The following GALNT9 variants were observed in gnomAD, a reference collection of about 807,000 sequenced individuals.
GALNT9 encodes GalNAc transferase 9.
GALNT9 carries 47 observed loss-of-function variants against 63.1 expected under a neutral mutation model. That is an observed-to-expected ratio of 0.75 (90% CI 0.59 to 0.95). GALNT9 has a LOEUF of 0.95. Among genes scored for constraint, GALNT9 ranks in the 40% least tolerant of loss-of-function variants. GALNT9 has a pLI of 0.00. For synonymous variants in GALNT9, 396 were observed against 365.7 expected (o/e 1.08, Z -0.94); for missense variants, 829 against 874.8 (o/e 0.95, Z 0.66).
intron 2 of GALNT9, 25 bp from the exon 3 acceptor site, chr12:132,262,650 C>A (rs369840211): frequency 2.7e-6 from 4 of 1,490,916 alleles, no homozygotes; most frequent in Non-Finnish European, 1.8e-6. Flanking sequence ...GTTTGGGGTG[C>A]GGTCAGGGCG....
chr12:132,268,004 C>T (rs1031579732), intron 2 of GALNT9, among the ~76,000 whole-genome samples: 2 of 151,686 alleles, frequency 1.3e-5, no homozygotes, highest in Non-Finnish European at 2.9e-5. Context: ...TGCACACACA[C>T]AGGCAGATAC....
rs1868687531 is a variant in GALNT9, at chr12:132,319,633, C to T, written c.238+9333G>A. 6.6e-6 allele frequency among the ~76,000 whole-genome samples: 1 copy of T among 152,166 alleles called. No individual in the cohort carries two copies. Among genetic ancestry groups the T allele is most frequent in the African/African-American group, 2.4e-5 (1 of 41,440 alleles). On this transcript the variant is annotated intron_variant, in intron 1 of 10. Coordinates refer to ENST00000328957, the MANE Select transcript of GALNT9 (RefSeq NM_001122636.2). The surrounding 1 kb of genome is among the most constrained non-coding windows in gnomAD (Gnocchi z 5.2). The stretch of plus-strand genomic sequence containing the variant: ...TTCCTCGGGAGAGCCCTGACGCACA[C>T]ACTAGCTGAGTTTGCTTTTCAACAG...
chr12:132,276,262 C>G (rs1486323199), intron 2 of GALNT9: 1 of 154,804 alleles, frequency 6.5e-6, no homozygotes, highest in African/African-American at 2.4e-5. Flanking sequence ...CAGAGCCGGG[C>G]ACGTGTGAAA....
chr12:132,199,499 C>T (rs1220189409), intron 8 of GALNT9, among the ~76,000 whole-genome samples: 1 of 152,128 alleles, frequency 6.6e-6, no homozygotes, highest in Admixed American at 6.5e-5. Context: ...ACTTGGCCAT[C>T]ACTCCATAGG....
At chr12:132,304,606 G>A (rs574752842) in intron 1 of GALNT9, among the ~76,000 whole-genome samples, 13 of 11,084 alleles carry the variant, frequency 1.2e-3, no homozygotes, top group South Asian at 0.013. Flanking sequence ...CCCGGGCACA[G>A]CCTCACCCGG....
intron 5 of GALNT9, among the ~76,000 whole-genome samples, chr12:132,251,074 G>T (rs1011360602): frequency 6.6e-6 from 1 of 152,174 alleles, no homozygotes; most frequent in Non-Finnish European, 1.5e-5. Flanking sequence ...CGAGAATAAC[G>T]CACACTGAAA....
At chr12:132,226,918 C>T (rs1007609027) in intron 6 of GALNT9, among the ~76,000 whole-genome samples, 4 of 149,688 alleles carry the variant, frequency 2.7e-5, no homozygotes, top group African/African-American at 9.9e-5. Flanking sequence ...ACACCATATA[C>T]ATACCCCACA....
intron 1 of GALNT9, among the ~76,000 whole-genome samples, chr12:132,312,148 T>C (rs1255716888): frequency 2.0e-5 from 3 of 152,230 alleles, no homozygotes; most frequent in African/African-American, 4.8e-5. Flanking sequence ...TCTGATACCA[T>C]GAAGTCATGA....
intron 6 of GALNT9, among the ~76,000 whole-genome samples, chr12:132,240,175 G>T (rs1878190052): frequency 6.6e-6 from 1 of 152,190 alleles, no homozygotes; most frequent in Admixed American, 6.5e-5. Context: ...AGGGGACGTT[G>T]CTTGAGAGGA....
intron 6 of GALNT9, among the ~76,000 whole-genome samples, chr12:132,230,218 C>T (rs1877840187): frequency 6.6e-6 from 1 of 152,214 alleles, no homozygotes; most frequent in African/African-American, 2.4e-5. Context: ...CACCCCCTGC[C>T]ATGTGTGTGC....
Position 132,304,907 on chromosome 12 carries a change from A to T in GALNT9, c.239-18477T>A, listed in dbSNP as rs1881518081. 5.6e-5 allele frequency among the ~76,000 whole-genome samples: 2 copies of T among 35,500 alleles called. 1 individual carries two copies. The highest frequency in any genetic ancestry group is 3.2e-3 in the South Asian group (2 of 624). The allele number at this position is 35,500 out of a possible 152,430, so 23.3% of individuals were successfully genotyped here. On this transcript the variant is annotated intron_variant, in intron 1 of 10. Transcript: ENST00000328957. Reference sequence around the variant, plus strand: ...CACCGGGGCACACCCTCGCCCGGACACGCCCTCACCGGGGCACACCCTCAC... The same window carrying T: ...CACCGGGGCACACCCTCGCCCGGACTCGCCCTCACCGGGGCACACCCTCAC...
At chr12:132,210,504 G>A (rs1392681019) in intron 6 of GALNT9, among the ~76,000 whole-genome samples, 3 of 152,148 alleles carry the variant, frequency 2.0e-5, no homozygotes, top group African/African-American at 4.8e-5. Flanking sequence ...AGGACTGAGT[G>A]GGGCCATGAG....
intron 2 of GALNT9, among the ~76,000 whole-genome samples, chr12:132,272,114 C>T (rs1239932920): frequency 2.0e-5 from 3 of 152,164 alleles, no homozygotes; most frequent in African/African-American, 4.8e-5. Context: ...CCAGAGCGGT[C>T]GGGGGACGCA....
At chr12:132,298,607 C>T (rs539777053) in intron 1 of GALNT9, among the ~76,000 whole-genome samples, 2 of 149,908 alleles carry the variant, frequency 1.3e-5, no homozygotes, top group Non-Finnish European at 3.0e-5. Context: ...TCCCACCACA[C>T]CTAACCCATC....
chr12:132,239,193 G>A (rs1443205227), intron 6 of GALNT9, among the ~76,000 whole-genome samples: 3 of 140,260 alleles, frequency 2.1e-5, no homozygotes, highest in East Asian at 4.2e-4. Flanking sequence ...GGGGGTGGGG[G>A]ACAGGCAGAG....
At chr12:132,222,399 G>C (rs1877485261) in intron 6 of GALNT9, among the ~76,000 whole-genome samples, 1 of 152,082 alleles carries the variant, frequency 6.6e-6, no homozygotes, top group South Asian at 2.1e-4. Context: ...GCAACATGGT[G>C]AAACCCCATC....
At chr12:132,214,161 G>A (rs1877087911) in intron 6 of GALNT9, among the ~76,000 whole-genome samples, 1 of 152,170 alleles carries the variant, frequency 6.6e-6, no homozygotes, top group South Asian at 2.1e-4. Flanking sequence ...GGGGTGCCGT[G>A]TGTGAGGTCC....
In GALNT9 at chr12:132,258,581, G is replaced by C. The variant is rs368797914; in HGVS notation, c.762-695C>G. Among the ~76,000 whole-genome samples, 119 of 152,346 alleles carry C rather than the reference G, an allele frequency of 7.8e-4. 1 individual carries two copies. The highest frequency in any genetic ancestry group is 2.7e-3 in the African/African-American group (112 of 41,572). On this transcript the variant is annotated intron_variant, in intron 4 of 10. Transcript: ENST00000328957. ...TGGGTAGTGACTGGAAGGAGGCATA[G>C]AGGGAGTCTCAGAGGGTGCGGCAGC...
chr12:132,291,697 A>C (rs1880865485), intron 1 of GALNT9, among the ~76,000 whole-genome samples: 1 of 145,858 alleles, frequency 6.9e-6, no homozygotes, highest in Non-Finnish European at 1.5e-5. Flanking sequence ...CACAGCGCCC[A>C]CATCCATGGC....
Sources: allele counts gnomAD v4.1 joint callset (sites outside exome capture counted in the v4.1 genomes callset), GRCh38; gene constraint gnomAD v4.1.1; non-coding constraint Gnocchi (gnomAD v3.1); transcripts MANE v1.5; gene names NCBI Gene and HGNC (gene_info 2026-07-23, HGNC 2026-07-21).